The following TUT4 variants were observed in gnomAD, a reference collection of about 807,000 sequenced individuals.
The protein encoded by TUT4 is terminal uridylyl transferase 4.
In TUT4, 36 loss-of-function variants were observed where a neutral mutation model predicts 192.2. The observed-to-expected ratio is 0.19, with a 90% CI of 0.14 to 0.25. The LOEUF (loss-of-function observed/expected upper bound fraction) is 0.25. Ranked by LOEUF, TUT4 falls within the 10% of genes least tolerant of loss-of-function variation. The pLI is 1.00. For missense variants in TUT4, 1,493 were observed against 1,957.2 expected, an observed-to-expected ratio of 0.76 and a Z score of 4.47; for synonymous variants, 618 against 666.0, an observed-to-expected ratio of 0.93 and a Z score of 1.11.
intron 14 of TUT4, among the ~76,000 whole-genome samples, chr1:52,471,056 G>A (rs1330198722): frequency 8.7e-6 from 1 of 114,844 alleles, no homozygotes; most frequent in Non-Finnish European, 1.6e-5. Flanking sequence ...TCACTCTGTT[G>A]CCCGGGCTGG....
intron 24 of TUT4, among the ~76,000 whole-genome samples, chr1:52,442,434 G>C (rs1370321614): frequency 6.6e-6 from 1 of 152,144 alleles, no homozygotes; most frequent in South Asian, 2.1e-4. Flanking sequence ...AGTGAAATAG[G>C]TATGAAGTAT....
At chr1:52,539,872 C>A (rs1395070515) in intron 1 of TUT4, among the ~76,000 whole-genome samples, 1 of 149,902 alleles carries the variant, frequency 6.7e-6, no homozygotes, top group Non-Finnish European at 1.5e-5. Flanking sequence ...TGCCATTGCA[C>A]TTTGGCCTGG....
intron 22 of TUT4, 37 bp from the exon 23 acceptor site, chr1:52,446,041 T>A: frequency 6.4e-7 from 1 of 1,562,048 alleles, no homozygotes; most frequent in Non-Finnish European, 8.7e-7. Context: ...AGAATTACAT[T>A]CACTGTACCA....
At chr1:52,462,260 A>T (rs1662806703) in intron 16 of TUT4, 1 of 141,620 alleles carries the variant, frequency 7.1e-6, no homozygotes, top group African/African-American at 2.7e-5. Context: ...ATCTCGGCTC[A>T]CTGCAAGCTC....
At chr1:52,487,524 G>A (rs1670107230) in intron 9 of TUT4, among the ~76,000 whole-genome samples, 1 of 152,098 alleles carries the variant, frequency 6.6e-6, no homozygotes, top group Admixed American at 6.5e-5. Context: ...CCTATAGTAT[G>A]CTAGGCATAG....
At chr1:52,533,111 A>G (rs1451001632) in intron 1 of TUT4, among the ~76,000 whole-genome samples, 1 of 152,338 alleles carries the variant, frequency 6.6e-6, no homozygotes, top group East Asian at 1.9e-4. Context: ...ATGTCCACTC[A>G]GCTAGTCCTT....
At chr1:52,533,760 G>A (rs1256842771) in intron 1 of TUT4, among the ~76,000 whole-genome samples, 1 of 152,150 alleles carries the variant, frequency 6.6e-6, no homozygotes, top group Non-Finnish European at 1.5e-5. Flanking sequence ...TTGAGGCCAG[G>A]AGTTCAAGAC....
intron 11 of TUT4, among the ~76,000 whole-genome samples, 177 bp from the exon 12 acceptor site, chr1:52,478,059 C>T (rs530742918): frequency 1.3e-5 from 2 of 152,224 alleles, no homozygotes; most frequent in Non-Finnish European, 2.9e-5. Context: ...TTTACTGACT[C>T]CTAGGAATTC....
At chr1:52,505,482 C>T (rs551015665) in intron 4 of TUT4, among the ~76,000 whole-genome samples, 199 of 138,704 alleles carry the variant, frequency 1.4e-3, no homozygotes, top group Admixed American at 5.8e-3. Context: ...AGTGCAGTGG[C>T]GCCATCTCAG....
intron 7 of TUT4, among the ~76,000 whole-genome samples, chr1:52,492,329 TGAGA>T (rs1671368923): frequency 6.6e-6 from 1 of 152,118 alleles, no homozygotes; most frequent in African/African-American, 2.4e-5. Context: ...TTAAAGCCAA[TGAGA>T]GAGTATGGCT....
chr1:52,444,250 T>C (rs1026552710), intron 24 of TUT4, among the ~76,000 whole-genome samples: 3 of 152,076 alleles, frequency 2.0e-5, no homozygotes, highest in African/African-American at 7.2e-5. Flanking sequence ...GAAAAAAAAA[T>C]TGTTTGGTTT....
rs759547475 is a variant in TUT4 at position 52,481,441 on chromosome 1, C to G, written c.1830G>C (p.Met610Ile). 1.2e-6 allele frequency: 2 copies of G among 1,613,836 alleles called. No homozygotes were observed. Among genetic ancestry groups the G allele is most frequent in the Non-Finnish European group, 8.5e-7 (1 of 1,179,876 alleles). ...GGCTTACTTTGCCATGTTTTTCCTT[C>G]ATGGCATTACTTTGGTTGTCTGTTT... Reference protein sequence around the residue: ...KTETDNQSNAMKEKHGKSPLA... With the variant: ...KTETDNQSNAIKEKHGKSPLA... The change falls in exon 11 of 30, where the codon ATG becomes ATC. Residue 610 changes from methionine to isoleucine, a missense_variant. Met to Ile is a conservative substitution (Grantham distance 10, BLOSUM62 1). Transcript: ENST00000257177.
At chr1:52,534,326 T>C (rs2149556829) in intron 1 of TUT4, among the ~76,000 whole-genome samples, 1 of 152,284 alleles carries the variant, frequency 6.6e-6, no homozygotes, top group Middle Eastern at 3.4e-3. Flanking sequence ...ATAAGCCGCC[T>C]TCTCCAAACT....
At chr1:52,471,821 C>T in intron 14 of TUT4, 131 bp downstream of exon 14, 1 of 900,134 alleles carries the variant, frequency 1.1e-6, no homozygotes, top group Non-Finnish European at 1.6e-6. Flanking sequence ...TAGTAAATAT[C>T]TGTGCTTGGG....
intron 1 of TUT4, among the ~76,000 whole-genome samples, chr1:52,531,162 G>A (rs1415961797): frequency 6.6e-6 from 1 of 151,864 alleles, no homozygotes; most frequent in East Asian, 1.9e-4. Context: ...TGTGGTAAAT[G>A]GGTATTAAAT....
chr1:52,509,836 T>C, intron 3 of TUT4, 124 bp from the exon 4 acceptor site: 1 of 705,620 alleles, frequency 1.4e-6, no homozygotes, highest in Non-Finnish European at 2.5e-6. Context: ...TTTTTCTTTA[T>C]CCTTTCCTTC....
chr1:52,460,126 G>T (rs1218926876), intron 19 of TUT4, among the ~76,000 whole-genome samples: 1 of 152,180 alleles, frequency 6.6e-6, no homozygotes, highest in Non-Finnish European at 1.5e-5. Context: ...ATCAAGTCTT[G>T]TATGTAGTAT....
At chr1:52,507,849 C>T (rs960528715) in intron 4 of TUT4, among the ~76,000 whole-genome samples, 3 of 152,068 alleles carry the variant, frequency 2.0e-5, no homozygotes, top group Non-Finnish European at 2.9e-5. Flanking sequence ...CTCGCTCCCT[C>T]GCCCAGACTA....
intron 1 of TUT4, among the ~76,000 whole-genome samples, chr1:52,528,363 C>T (rs1302949791): frequency 1.3e-5 from 2 of 151,672 alleles, no homozygotes; most frequent in Admixed American, 6.6e-5. Context: ...CTGTGGCATG[C>T]GCCTGTAGTC....
Sources: gnomAD v4.1 joint callset for allele counts (sites outside exome capture counted in the v4.1 genomes callset) on GRCh38, gnomAD v4.1.1 for gene constraint, MANE v1.5 for transcripts, NCBI Gene and HGNC (gene_info 2026-07-23, HGNC 2026-07-21) for gene names.